Variants in CYREN observed in about 807,000 individuals in gnomAD.
CYREN encodes the protein cell cycle regulator of NHEJ, also known as cell cycle regulator of non-homologous end joining.
Under a neutral mutation model 9.7 loss-of-function variants are expected in CYREN, and 7 were observed. That is an observed-to-expected ratio of 0.72 (90% CI 0.41 to 1.36). The LOEUF (loss-of-function observed/expected upper bound fraction) is 1.36. Ranked by LOEUF, CYREN falls within the 40% of genes most tolerant of loss-of-function variation. The pLI is 0.01. For synonymous variants in CYREN, 76 were observed against 77.9 expected (o/e 0.98, Z 0.13); for missense variants, 215 against 198.1 (o/e 1.09, Z -0.51).
At chr7:135,153,127 G>A (rs904600763) in intron 2 of CYREN, 3 of 152,088 alleles carry the variant, frequency 2.0e-5, no homozygotes, top group Admixed American at 6.6e-5. Flanking sequence ...AAACCACAAT[G>A]AGATACTATC....
chr7:135,097,712 T>G (rs967530244), intron 2 of CYREN, among the ~76,000 whole-genome samples: 1 of 152,128 alleles, frequency 6.6e-6, no homozygotes, highest in Non-Finnish European at 1.5e-5. Context: ...TGAATGAGAC[T>G]TCTGACTTTA....
In CYREN at chr7:135,166,877, G is replaced by A. The variant is rs2117500907; in HGVS notation, c.214-6C>T. 1.9e-6 allele frequency: 3 copies of A among 1,610,706 alleles called. No individual in the cohort carries two copies. Among genetic ancestry groups the A allele is most frequent in the Non-Finnish European group, 2.5e-6 (3 of 1,177,386 alleles). Reference sequence around the variant, plus strand: ...GCCTTTTCCTGTTTGCGGCTCTGTGGAGTACGGGAAAACGCAGGCTCAACA... The same window carrying A: ...GCCTTTTCCTGTTTGCGGCTCTGTGAAGTACGGGAAAACGCAGGCTCAACA... On this transcript the variant is annotated splice_region_variant and splice_polypyrimidine_tract_variant and intron_variant, in intron 3 of 3. Transcript: ENST00000393114.
At chr7:135,142,672 T>C (rs1303571657) in intron 2 of CYREN, among the ~76,000 whole-genome samples, 3 of 152,146 alleles carry the variant, frequency 2.0e-5, no homozygotes, top group African/African-American at 2.4e-5. Flanking sequence ...TGCCTCCTTA[T>C]ATGCCAGCAA....
chr7:135,143,318 T>C (rs1251000642), intron 2 of CYREN, among the ~76,000 whole-genome samples: 1 of 152,124 alleles, frequency 6.6e-6, no homozygotes, highest in African/African-American at 2.4e-5. Flanking sequence ...CACATAAATA[T>C]AGTCAACTCA....
chr7:135,151,047 CT>C lies in CYREN; in HGVS notation n.356+17701del, dbSNP rs1829655072. On this transcript the variant is annotated intron_variant and non_coding_transcript_variant, in intron 2 of 2. Transcript: ENST00000459937. This position sits in a 1 kb window ranked among gnomAD's most constrained non-coding sequence, Gnocchi z 4.3. ...ACCATTTAAACAGCTATCTCAATGG[CT>C]TGTCATCTGGGTGCCTGGACTCATG... Among the ~76,000 whole-genome samples the C allele has an allele frequency of 6.6e-6, 1 of 152,208 alleles. No individual in the cohort carries two copies. The highest frequency in any genetic ancestry group is 1.5e-5 in the Non-Finnish European group (1 of 68,044).
In CYREN at chr7:135,120,523, A is replaced by G. The variant is rs1430138147; in HGVS notation, n.357-25941T>C. 2.6e-5 allele frequency among the ~76,000 whole-genome samples: 4 copies of G among 152,270 alleles called. 1 individual carries two copies. The highest frequency in any genetic ancestry group is 9.6e-5 in the African/African-American group (4 of 41,476). Reference sequence around the variant, plus strand: ...CTTGAAAAATGTTCACATTACCCACAGGAAGGCAGGAAAGAGAAAACAAAA... The same window carrying G: ...CTTGAAAAATGTTCACATTACCCACGGGAAGGCAGGAAAGAGAAAACAAAA... On this transcript the variant is annotated intron_variant and non_coding_transcript_variant, in intron 2 of 2. Transcript: ENST00000459937.
At chr7:135,148,165 G>A (rs1829586235) in intron 2 of CYREN, 3 of 435,832 alleles carry the variant, frequency 6.9e-6, no homozygotes, top group African/African-American at 4.1e-5. Context: ...CTCCTTTCTG[G>A]AGTCTGACAT....
intron 2 of CYREN, among the ~76,000 whole-genome samples, chr7:135,116,525 G>A (rs944235459): frequency 6.6e-6 from 1 of 152,202 alleles, no homozygotes; most frequent in Non-Finnish European, 1.5e-5. Flanking sequence ...CCAATGGGGA[G>A]AGAAAGAGGT....
chr7:135,099,756 C>G (rs974560764), intron 2 of CYREN, among the ~76,000 whole-genome samples: 1 of 152,074 alleles, frequency 6.6e-6, no homozygotes, highest in Non-Finnish European at 1.5e-5. Context: ...ATACACAGTG[C>G]CCCACAAGAT....
At chr7:135,095,609 G>T (rs61222511) in intron 2 of CYREN, among the ~76,000 whole-genome samples, 5 of 152,100 alleles carry the variant, frequency 3.3e-5, no homozygotes, top group African/African-American at 4.8e-5. Flanking sequence ...AAATACAAAA[G>T]CCATATGTTA....
chr7:135,128,328 A>AAAAAAAAAAAAC (rs1828239206), intron 2 of CYREN: 1 of 186,260 alleles, frequency 5.4e-6, no homozygotes, highest in Non-Finnish European at 1.1e-5. Context: ...AACGAAAAAA[A>AAAAAAAAAAAAC]AAAACAAAAC....
At chr7:135,171,326 T>A (rs1386389466), upstream of CYREN, among the ~76,000 whole-genome samples, 10 of 149,196 alleles carry the variant, frequency 6.7e-5, no homozygotes, top group African/African-American at 2.0e-4. Context: ...TTTTTTTTTT[T>A]AAAAAAAAAA....
intron 2 of CYREN, among the ~76,000 whole-genome samples, chr7:135,140,870 T>C (rs997869564): frequency 2.6e-5 from 4 of 152,154 alleles, no homozygotes; most frequent in African/African-American, 9.7e-5. Flanking sequence ...ATGAATCACA[T>C]TTATTGATTT....
intron 2 of CYREN, among the ~76,000 whole-genome samples, chr7:135,098,979 T>C (rs1823347813): frequency 6.6e-6 from 1 of 152,184 alleles, no homozygotes; most frequent in African/African-American, 2.4e-5. Flanking sequence ...TCACACATAC[T>C]ATTAATCTGT....
At chr7:135,140,485 G>A (rs1165432720) in intron 2 of CYREN, among the ~76,000 whole-genome samples, 2 of 151,960 alleles carry the variant, frequency 1.3e-5, no homozygotes, top group East Asian at 3.9e-4. Context: ...GGTTTTCTAG[G>A]TATAGAGTCA....
At chr7:135,167,057 C>T (rs538294235) in intron 3 of CYREN, 186 bp from the exon 4 acceptor site, 2 of 985,362 alleles carry the variant, frequency 2.0e-6, no homozygotes, top group African/African-American at 3.5e-5. Flanking sequence ...CCCCTCTTCA[C>T]AGCTCTTGAA....
At chr7:135,124,014 T>C (rs946487137) in intron 2 of CYREN, among the ~76,000 whole-genome samples, 1 of 152,148 alleles carries the variant, frequency 6.6e-6, no homozygotes, top group Non-Finnish European at 1.5e-5. Flanking sequence ...AATAGCATCA[T>C]GATGACAGGA....
intron 2 of CYREN, among the ~76,000 whole-genome samples, chr7:135,095,127 G>T (rs952007810): frequency 6.6e-6 from 1 of 152,102 alleles, no homozygotes. Flanking sequence ...TCCTATTTTC[G>T]GGGAGGGATA....
At chr7:135,149,078 G>A (rs1393772339) in intron 2 of CYREN, among the ~76,000 whole-genome samples, 1 of 152,140 alleles carries the variant, frequency 6.6e-6, no homozygotes, top group Non-Finnish European at 1.5e-5. Context: ...CTCAGTCCAT[G>A]AGATATTTTT....
Sources: allele counts gnomAD v4.1 joint callset (sites outside exome capture counted in the v4.1 genomes callset), GRCh38; gene constraint gnomAD v4.1.1; non-coding constraint Gnocchi (gnomAD v3.1); transcripts MANE v1.5; gene names NCBI Gene and HGNC (gene_info 2026-07-23, HGNC 2026-07-21).